The following IHO1 variants were observed in gnomAD, a reference collection of about 807,000 sequenced individuals.
The protein encoded by IHO1 is interactor of HORMAD1 1.
A neutral mutation model predicts 31.0 loss-of-function variants in IHO1; 13 were observed. That is an observed-to-expected ratio of 0.42 (90% CI 0.27 to 0.67). The LOEUF (loss-of-function observed/expected upper bound fraction) is 0.67. Among genes scored for constraint, IHO1 ranks in the 30% least tolerant of loss-of-function variants. The pLI, the probability that IHO1 is intolerant of heterozygous loss-of-function variation, is 0.24. For missense variants in IHO1, 599 were observed against 687.5 expected, an observed-to-expected ratio of 0.87 and a Z score of 1.44; for synonymous variants, 221 against 248.4, an observed-to-expected ratio of 0.89 and a Z score of 1.04.
chr3:49,252,365 T>G (rs903620677), intron 6 of IHO1: 8 of 153,256 alleles, frequency 5.2e-5, no homozygotes, highest in African/African-American at 1.9e-4. Context: ...TTTTAAAAAT[T>G]GTGGTAAAAA....
intron 3 of IHO1, among the ~76,000 whole-genome samples, chr3:49,237,278 T>C (rs928577765): frequency 1.3e-5 from 2 of 151,650 alleles, no homozygotes; most frequent in Admixed American, 1.3e-4. Flanking sequence ...ACTCAGGAGG[T>C]AGAGGTTGCA....
In IHO1 at chr3:49,244,408, ACT is replaced by A; in HGVS notation, c.403_404del (p.Leu135IlefsTer6). The A allele has an allele frequency of 6.5e-7, 1 of 1,540,106 alleles. No individual in the cohort carries two copies. ...KRAKDKCDSE[T>X]LYNFVSNVRE... Reference sequence around the variant, plus strand: ...CTTTTTTCCCTCCTATTCTAGTGAGACTCTATACAACTTTGTTTCTAATGTTA... The same window carrying A: ...CTTTTTTCCCTCCTATTCTAGTGAGACTATACAACTTTGTTTCTAATGTTA... On this transcript the variant is annotated frameshift_variant, in exon 5 of 8. Coordinates refer to ENST00000452691, the MANE Select transcript of IHO1 (RefSeq NM_001135197.2). LOFTEE classifies it high-confidence loss of function.
intron 2 of IHO1, among the ~76,000 whole-genome samples, chr3:49,234,957 C>G (rs1173617671): frequency 6.6e-6 from 1 of 151,596 alleles, no homozygotes; most frequent in Non-Finnish European, 1.5e-5. Flanking sequence ...AGTGATTCTT[C>G]TGCCTCAGCC....
chr3:49,208,660 AT>A, intron 1 of IHO1, among the ~76,000 whole-genome samples: 1 of 152,080 alleles, frequency 6.6e-6, no homozygotes, highest in East Asian at 1.9e-4. Flanking sequence ...CCTTAGCCAT[AT>A]TTTGCTAATT....
chr3:49,248,251 T>C (rs2046720143), intron 6 of IHO1, among the ~76,000 whole-genome samples: 1 of 151,330 alleles, frequency 6.6e-6, no homozygotes, highest in African/African-American at 2.4e-5. Flanking sequence ...TGAAACCCCA[T>C]GTCTACTAAA....
Position 49,256,117 on chromosome 3 carries a change from AC to A in IHO1, c.637-16del. ...TGCACTGTCCATCACTGTCTTTCTCACTGCCTCTCTCCCCAGAGACAAGGAG... is the reference window on the plus strand; with the variant it reads ...TGCACTGTCCATCACTGTCTTTCTCATGCCTCTCTCCCCAGAGACAAGGAG... On this transcript the variant is annotated splice_polypyrimidine_tract_variant and intron_variant, in intron 7 of 7. Coordinates refer to ENST00000452691, the MANE Select transcript of IHO1 (RefSeq NM_001135197.2). The surrounding 1 kb of genome is among the most constrained non-coding windows in gnomAD (Gnocchi z 4.6). 2 of 1,584,630 alleles carry A rather than the reference AC, an allele frequency of 1.3e-6. No individual in the cohort carries two copies. Among genetic ancestry groups the A allele is most frequent in the Non-Finnish European group, 1.7e-6 (2 of 1,165,734 alleles).
intron 2 of IHO1, 48 bp downstream of exon 2, chr3:49,211,884 C>A: frequency 9.0e-7 from 1 of 1,109,600 alleles, no homozygotes; most frequent in Non-Finnish European, 1.4e-6. Flanking sequence ...ATTTTCTGGC[C>A]GGGCATGATG....
At chr3:49,228,532 G>A (rs755434977) in intron 2 of IHO1, among the ~76,000 whole-genome samples, 6 of 152,166 alleles carry the variant, frequency 3.9e-5, no homozygotes, top group Admixed American at 1.3e-4. Context: ...CACATTGGGC[G>A]CCAAAATGTG....
intron 2 of IHO1, among the ~76,000 whole-genome samples, chr3:49,222,483 A>G (rs572903286): frequency 6.6e-6 from 1 of 152,224 alleles, no homozygotes; most frequent in Admixed American, 6.5e-5. Context: ...GGTGGGAGTA[A>G]ATTGCTGTCA....
intron 2 of IHO1, among the ~76,000 whole-genome samples, chr3:49,217,868 C>CTGACAGAA (rs2046308481): frequency 6.6e-6 from 1 of 152,188 alleles, no homozygotes; most frequent in Admixed American, 6.5e-5. Context: ...TGGTACTGAT[C>CTGACAGAA]TGACAGAAGG....
chr3:49,257,193 G>A lies in IHO1; in HGVS notation c.1696G>A (p.Gly566Arg), dbSNP rs561395817. Reference sequence around the variant, plus strand: ...GAGCTGGTTCAGTGACCTCAATCTCGGATGTTCAGAGACCCCTCTATGCAA... The same window carrying A: ...GAGCTGGTTCAGTGACCTCAATCTCAGATGTTCAGAGACCCCTCTATGCAA... ...QMSWFSDLNL[G>R]CSETPLCKEA... is the part of the protein sequence containing the mutation. The change falls in exon 8 of 8, where the codon GGA (glycine) becomes AGA (arginine). Residue 566 changes from glycine to arginine, a missense_variant. Gly to Arg is a moderately radical substitution (Grantham distance 125). Transcript: ENST00000452691. 17 of 1,614,174 alleles carry A rather than the reference G, an allele frequency of 1.1e-5. No individual in the cohort carries two copies. In the South Asian group the frequency reaches 1.2e-4, roughly 11 times the overall value.
intron 1 of IHO1, 132 bp from the exon 2 acceptor site, chr3:49,211,634 A>C (rs575853949): frequency 1.5e-5 from 6 of 389,824 alleles, no homozygotes; most frequent in Non-Finnish European, 2.3e-5. Context: ...AAAAAAAAAA[A>C]ACAGAAATTT....
At chr3:49,226,169 G>T (rs1316557718) in intron 2 of IHO1, among the ~76,000 whole-genome samples, 2 of 152,156 alleles carry the variant, frequency 1.3e-5, no homozygotes, top group African/African-American at 4.8e-5. Context: ...TTGTCTGAGT[G>T]CCATGACTAA....
At chr3:49,255,652 CA>C (rs749445118) in intron 7 of IHO1, among the ~76,000 whole-genome samples, 159 bp downstream of exon 7, 2 of 148,224 alleles carry the variant, frequency 1.3e-5, no homozygotes, top group Non-Finnish European at 3.0e-5. Context: ...CATGTTCAAG[CA>C]ATTCTCCTGC....
intron 2 of IHO1, among the ~76,000 whole-genome samples, chr3:49,219,672 C>A (rs531979132): frequency 1.3e-5 from 2 of 152,132 alleles, no homozygotes; most frequent in South Asian, 4.2e-4. Flanking sequence ...ACGTGGGGCT[C>A]GAACCCTGGC....
At chr3:49,196,628 G>T (rs550188860), upstream of IHO1, among the ~76,000 whole-genome samples, 1 of 151,026 alleles carries the variant, frequency 6.6e-6, no homozygotes, top group African/African-American at 2.4e-5. Flanking sequence ...GATTACAGGC[G>T]TGCGCCACCA....
chr3:49,201,221 C>CT (rs1183163566), intron 1 of IHO1, among the ~76,000 whole-genome samples: 8 of 151,950 alleles, frequency 5.3e-5, no homozygotes, highest in African/African-American at 1.9e-4. Flanking sequence ...TCTCGATCTC[C>CT]TGACCTCGTG....
intron 6 of IHO1, chr3:49,245,118 A>C (rs2046677901): frequency 4.6e-6 from 2 of 435,588 alleles, no homozygotes; most frequent in South Asian, 1.3e-4. Flanking sequence ...GAAATACTGT[A>C]GTACCTGCTG....
At chr3:49,211,184 T>C (rs901654302) in intron 1 of IHO1, among the ~76,000 whole-genome samples, 26 of 145,040 alleles carry the variant, frequency 1.8e-4, no homozygotes, top group Middle Eastern at 7.8e-3. Flanking sequence ...ATTTTTTGTA[T>C]TTTTTAGTAG....
Sources: gnomAD v4.1 joint callset for allele counts (sites outside exome capture counted in the v4.1 genomes callset) on GRCh38, gnomAD v4.1.1 for gene constraint, Gnocchi (gnomAD v3.1) non-coding constraint, MANE v1.5 for transcripts, NCBI Gene and HGNC (gene_info 2026-07-23, HGNC 2026-07-21) for gene names.